The following FGF12 variants were observed in gnomAD, a reference collection of about 807,000 sequenced individuals.
The protein encoded by FGF12 is fibroblast growth factor 12B.
In FGF12, 14 loss-of-function variants were observed where a neutral mutation model predicts 23.6. The observed-to-expected ratio is 0.59, with a 90% CI of 0.39 to 0.93. FGF12 has a LOEUF of 0.93. FGF12 is among the 40% of genes least tolerant of loss of function. The pLI is 0.00. For missense variants in FGF12, 175 were observed against 217.8 expected (o/e 0.80, Z 1.24); for synonymous variants, 62 against 77.3 (o/e 0.80, Z 1.04).
chr3:192,646,325 C>A (rs2108671344), intron 2 of FGF12, among the ~76,000 whole-genome samples: 1 of 152,090 alleles, frequency 6.6e-6, no homozygotes, highest in African/African-American at 2.4e-5. Flanking sequence ...TTGACCATTT[C>A]CAGCACAGTA....
chr3:192,323,787 C>T (rs112655624), intron 4 of FGF12, among the ~76,000 whole-genome samples: 2,186 of 152,164 alleles, frequency 0.014, 42 homozygotes, highest in East Asian at 0.049. Flanking sequence ...TCATTATATG[C>T]CTGTACTAAA....
intron 2 of FGF12, among the ~76,000 whole-genome samples, chr3:192,701,685 G>A (rs1718301999): frequency 1.3e-5 from 2 of 151,992 alleles, no homozygotes; most frequent in African/African-American, 4.8e-5. Context: ...GATTGAGCAA[G>A]ACACATCTTT....
intron 2 of FGF12, among the ~76,000 whole-genome samples, chr3:192,499,516 ATTTTTTTTTTTT>A (rs71177364): frequency 1.0e-3 from 39 of 38,858 alleles, no homozygotes; most frequent in Non-Finnish European, 1.4e-3. Flanking sequence ...ATATATATAT[ATTTTTTTTTTTT>A]TTTTTTTTTT....
intron 4 of FGF12, among the ~76,000 whole-genome samples, chr3:192,314,354 G>T (rs1267119969): frequency 6.6e-6 from 1 of 151,930 alleles, no homozygotes; most frequent in Non-Finnish European, 1.5e-5. Flanking sequence ...TTAACTTAAG[G>T]TTCACCACGT....
At chr3:192,403,792 C>T (rs991414859) in intron 2 of FGF12, among the ~76,000 whole-genome samples, 1 of 152,108 alleles carries the variant, frequency 6.6e-6, no homozygotes, top group Non-Finnish European at 1.5e-5. Flanking sequence ...TTACTGTCAA[C>T]TTTCTTCTTG....
At chr3:192,487,384 G>C (rs11925872) in intron 2 of FGF12, among the ~76,000 whole-genome samples, 12,118 of 151,960 alleles carry the variant, frequency 0.08, 1,595 homozygotes, top group African/African-American at 0.28. Context: ...GACTTTGTCC[G>C]TTGTTTCTCC....
chr3:192,269,022 C>A (rs1713258520), intron 4 of FGF12, among the ~76,000 whole-genome samples: 1 of 152,088 alleles, frequency 6.6e-6, no homozygotes. Context: ...TCAAGTGATT[C>A]TCCTGCCTCA....
chr3:192,223,728 G>C (rs988354594), intron 4 of FGF12, among the ~76,000 whole-genome samples: 1 of 152,086 alleles, frequency 6.6e-6, no homozygotes, highest in Non-Finnish European at 1.5e-5. Context: ...ACTGTACTAG[G>C]ATAGTCAGTG....
intron 2 of FGF12, among the ~76,000 whole-genome samples, chr3:192,615,499 A>G (rs1257181258): frequency 1.3e-5 from 2 of 151,970 alleles, no homozygotes; most frequent in East Asian, 1.9e-4. Context: ...GCCAGACCCC[A>G]TACACACTAT....
At chr3:192,209,666 A>G (rs567458574) in intron 4 of FGF12, among the ~76,000 whole-genome samples, 1 of 152,320 alleles carries the variant, frequency 6.6e-6, no homozygotes, top group East Asian at 1.9e-4. Context: ...TTTTAGAGAT[A>G]GGATACAGGA....
chr3:192,144,184 A>C, intron 5 of FGF12, 57 bp from the exon 6 acceptor site: 1 of 944,918 alleles, frequency 1.1e-6, no homozygotes. Context: ...TTCCTTCAAT[A>C]AGCTTTTCAA....
chr3:192,650,282 C>T (rs906100826), intron 2 of FGF12, among the ~76,000 whole-genome samples: 2 of 152,226 alleles, frequency 1.3e-5, no homozygotes, highest in Admixed American at 1.3e-4. Flanking sequence ...TCAGTTTCTA[C>T]TACCAACCTA....
chr3:192,443,404 A>G (rs1254700006), intron 2 of FGF12, among the ~76,000 whole-genome samples: 1 of 152,204 alleles, frequency 6.6e-6, no homozygotes, highest in Non-Finnish European at 1.5e-5. Context: ...AATATAGAAG[A>G]TAGATATTTT....
At chr3:192,655,154 T>C (rs933285839) in intron 2 of FGF12, among the ~76,000 whole-genome samples, 2 of 152,214 alleles carry the variant, frequency 1.3e-5, no homozygotes, top group Non-Finnish European at 2.9e-5. Flanking sequence ...CACTCAAAAT[T>C]CTCTGTGTGC....
intron 4 of FGF12, among the ~76,000 whole-genome samples, chr3:192,293,163 A>ACT (rs879725423): frequency 1.0e-3 from 159 of 152,326 alleles, no homozygotes; most frequent in Non-Finnish European, 1.9e-3. Context: ...ATATTAAAGA[A>ACT]GGAAAGAGAG....
intron 2 of FGF12, among the ~76,000 whole-genome samples, chr3:192,443,505 A>T (rs1156408441): frequency 6.6e-6 from 1 of 152,230 alleles, no homozygotes; most frequent in Non-Finnish European, 1.5e-5. Flanking sequence ...CTAGGTTAGT[A>T]TTTAACTGTA....
chr3:192,590,323 A>T (rs536081901), intron 2 of FGF12, among the ~76,000 whole-genome samples: 1 of 152,098 alleles, frequency 6.6e-6, no homozygotes, highest in East Asian at 1.9e-4. Flanking sequence ...TGCATTGCAC[A>T]TTGTCATACT....
intron 2 of FGF12, among the ~76,000 whole-genome samples, chr3:192,548,671 C>G (rs1248914569): frequency 1.3e-5 from 2 of 152,084 alleles, no homozygotes; most frequent in African/African-American, 4.8e-5. Context: ...CCAGTGATAG[C>G]TATTCTCTAA....
At chr3:192,663,192 T>A (rs1407695894) in intron 2 of FGF12, among the ~76,000 whole-genome samples, 3 of 152,214 alleles carry the variant, frequency 2.0e-5, no homozygotes, top group Non-Finnish European at 4.4e-5. Context: ...TAATACAGTT[T>A]TATGTGGTTG....
Sources: allele counts gnomAD v4.1 joint callset (sites outside exome capture counted in the v4.1 genomes callset), GRCh38; gene constraint gnomAD v4.1.1; transcripts MANE v1.5; gene names NCBI Gene and HGNC (gene_info 2026-07-23, HGNC 2026-07-21).